The following UBAP2 variants were observed in gnomAD, a reference collection of about 807,000 sequenced individuals.
UBAP2 encodes ubiquitin associated protein 2, also known as ubiquitin-associated protein 2.
In UBAP2, 75 loss-of-function variants were observed where a neutral mutation model predicts 139.6. The observed-to-expected ratio is 0.54, with a 90% CI of 0.45 to 0.65. UBAP2 has a LOEUF of 0.65. UBAP2 is among the 30% of genes least tolerant of loss of function. The pLI is 0.00. For synonymous variants in UBAP2, 526 were observed against 526.2 expected, an observed-to-expected ratio of 1.00 and a Z score of 0.01; for missense variants, 1,368 against 1,369.6, an observed-to-expected ratio of 1.00 and a Z score of 0.02.
chr9:34,048,597 G>A (rs1047482753), intron 1 of UBAP2, among the ~76,000 whole-genome samples: 1 of 152,126 alleles, frequency 6.6e-6, no homozygotes, highest in Non-Finnish European at 1.5e-5. Flanking sequence ...GGGGAAAGTA[G>A]GAAGAAGCAC....
chr9:33,925,486 A>C (rs1390956394), intron 22 of UBAP2, among the ~76,000 whole-genome samples: 1 of 152,194 alleles, frequency 6.6e-6, no homozygotes, highest in Admixed American at 6.5e-5. Context: ...TAAGGCACAA[A>C]GTGATAAAAG....
intron 1 of UBAP2, among the ~76,000 whole-genome samples, chr9:34,033,961 C>T (rs1303992312): frequency 6.6e-6 from 1 of 152,022 alleles, no homozygotes; most frequent in African/African-American, 2.4e-5. Context: ...TTCTTGAACT[C>T]CTGACCTCAG....
intron 1 of UBAP2, among the ~76,000 whole-genome samples, chr9:34,025,171 T>C (rs917920244): frequency 6.6e-6 from 1 of 152,180 alleles, no homozygotes; most frequent in Non-Finnish European, 1.5e-5. Context: ...GGAACTTCTA[T>C]GTCCTCCTTT....
intron 1 of UBAP2, among the ~76,000 whole-genome samples, chr9:34,017,692 C>T (rs1043099949): frequency 5.3e-5 from 8 of 152,018 alleles, no homozygotes; most frequent in Non-Finnish European, 1.0e-4. Flanking sequence ...TTCACGAGGC[C>T]GAGGCAGGCA....
At chr9:34,019,283 A>C (rs1187589103) in intron 1 of UBAP2, among the ~76,000 whole-genome samples, 2 of 152,086 alleles carry the variant, frequency 1.3e-5, no homozygotes, top group East Asian at 3.9e-4. Context: ...CACACCTGTA[A>C]TCCCAGCAAC....
chr9:33,991,167 T>G (rs966256421), intron 4 of UBAP2, among the ~76,000 whole-genome samples: 1 of 152,040 alleles, frequency 6.6e-6, no homozygotes, highest in African/African-American at 2.4e-5. Context: ...GCACCTGTAA[T>G]CCCAGCTACT....
intron 17 of UBAP2, 127 bp from the exon 18 acceptor site, chr9:33,933,755 T>C: frequency 7.4e-7 from 1 of 1,356,332 alleles, no homozygotes; most frequent in South Asian, 1.4e-5. Flanking sequence ...AAAGTTACAT[T>C]CCCCAGGAAA....
chr9:33,925,522 G>A (rs925678993), intron 22 of UBAP2, among the ~76,000 whole-genome samples: 2 of 152,198 alleles, frequency 1.3e-5, no homozygotes, highest in Non-Finnish European at 2.9e-5. Flanking sequence ...GAATAAGTGT[G>A]GAGACCACGG....
intron 4 of UBAP2, among the ~76,000 whole-genome samples, chr9:33,989,914 C>T (rs1402581045): frequency 6.6e-6 from 1 of 152,058 alleles, no homozygotes; most frequent in Non-Finnish European, 1.5e-5. Context: ...AAAATTTTAG[C>T]TTGGTTTTGG....
At chr9:34,027,849 G>A (rs1274195990) in intron 1 of UBAP2, among the ~76,000 whole-genome samples, 4 of 131,288 alleles carry the variant, frequency 3.0e-5, no homozygotes, top group East Asian at 2.2e-4. Context: ...GCGACAGAGC[G>A]AGACTCCATC....
chr9:33,960,795 A>G, intron 10 of UBAP2, 31 bp downstream of exon 10: 2 of 1,574,882 alleles, frequency 1.3e-6, no homozygotes, highest in Non-Finnish European at 8.6e-7. Context: ...AAAAAAAAAA[A>G]GAAAGGTCTC....
intron 4 of UBAP2, among the ~76,000 whole-genome samples, chr9:33,991,045 G>A (rs1353206845): frequency 6.6e-6 from 1 of 152,154 alleles, no homozygotes; most frequent in African/African-American, 2.4e-5. Flanking sequence ...AGCACATTGG[G>A]AGGCCAAAGC....
chr9:33,998,183 A>T (rs1168575182), intron 3 of UBAP2: 1 of 152,310 alleles, frequency 6.6e-6, no homozygotes, highest in African/African-American at 2.4e-5. Flanking sequence ...AGATTGCTTG[A>T]GCCCAGGAAT....
chr9:33,972,806 T>C (rs1422680832), intron 7 of UBAP2, among the ~76,000 whole-genome samples: 3 of 152,228 alleles, frequency 2.0e-5, no homozygotes, highest in African/African-American at 7.2e-5. Flanking sequence ...TTAACTAAAA[T>C]GGCTCTTAGG....
At chr9:33,949,721 A>G (rs970513303) in intron 12 of UBAP2, among the ~76,000 whole-genome samples, 35 of 152,172 alleles carry the variant, frequency 2.3e-4, no homozygotes, top group Admixed American at 7.2e-4. Context: ...GTGTGCGCGC[A>G]TGCACGCGCA....
intron 2 of UBAP2, among the ~76,000 whole-genome samples, chr9:34,010,337 T>C (rs952838528): frequency 7.0e-6 from 1 of 143,754 alleles, no homozygotes; most frequent in Non-Finnish European, 1.5e-5. Context: ...GGTGGGAAAA[T>C]CACTTGAACC....
At chr9:34,035,268 C>T (rs113048300) in intron 1 of UBAP2, among the ~76,000 whole-genome samples, 2 of 151,094 alleles carry the variant, frequency 1.3e-5, no homozygotes, top group Non-Finnish European at 3.0e-5. Context: ...TTTGGGAGGC[C>T]GAGGCGGGCG....
intron 12 of UBAP2, among the ~76,000 whole-genome samples, chr9:33,950,669 GATTTA>G (rs1362439933): frequency 2.0e-5 from 3 of 152,316 alleles, no homozygotes; most frequent in Non-Finnish European, 4.4e-5. Context: ...CAAGCCCACT[GATTTA>G]ATGAAGGCTT....
chr9:34,042,840 G>A (rs1232786263), intron 1 of UBAP2, among the ~76,000 whole-genome samples: 1 of 150,952 alleles, frequency 6.6e-6, no homozygotes, highest in Non-Finnish European at 1.5e-5. Context: ...CACTTTAGTA[G>A]GCCAAGGCAG....
Sources: allele counts gnomAD v4.1 joint callset (sites outside exome capture counted in the v4.1 genomes callset), GRCh38; gene constraint gnomAD v4.1.1; transcripts MANE v1.5; gene names NCBI Gene and HGNC (gene_info 2026-07-23, HGNC 2026-07-21).